TJP1: variants seen among roughly 807,000 people sequenced by gnomAD.
TJP1 encodes tight junction protein ZO-1.
In TJP1, 43 loss-of-function variants were observed where a neutral mutation model predicts 194.2. The observed-to-expected ratio is 0.22, with a 90% CI of 0.17 to 0.29. The LOEUF (loss-of-function observed/expected upper bound fraction) is 0.29. TJP1 is among the 10% of genes least tolerant of loss of function. TJP1 has a pLI of 1.00. For missense variants in TJP1, 1,971 were observed against 2,185.7 expected (o/e 0.90, Z 1.96); for synonymous variants, 801 against 779.0 (o/e 1.03, Z -0.47).
chr15:29,896,139 T>G (rs1442020042), intron 2 of TJP1, among the ~76,000 whole-genome samples: 2 of 152,142 alleles, frequency 1.3e-5, no homozygotes, highest in East Asian at 3.9e-4. Flanking sequence ...AATGATATGG[T>G]TTGGCTGTGT....
At chr15:29,736,295 G>T (rs992086534) in intron 11 of TJP1, among the ~76,000 whole-genome samples, 1 of 152,036 alleles carries the variant, frequency 6.6e-6, no homozygotes, top group Admixed American at 6.5e-5. Context: ...AAGTTAAACA[G>T]CAAAAAAGGA....
At chr15:29,771,414 A>AACC (rs936938196) in intron 4 of TJP1, among the ~76,000 whole-genome samples, 3 of 152,178 alleles carry the variant, frequency 2.0e-5, no homozygotes, top group Non-Finnish European at 4.4e-5. Context: ...AATCTTATGG[A>AACC]ACCACTGTCA....
intron 1 of TJP1, chr15:29,821,554 T>C (rs984481488): frequency 6.6e-6 from 1 of 152,092 alleles, no homozygotes; most frequent in Admixed American, 6.5e-5. Context: ...ACTACAGGGT[T>C]TCGCCGGGGA....
At chr15:29,740,860 A>AG (rs2044366586) in intron 10 of TJP1, among the ~76,000 whole-genome samples, 1 of 152,060 alleles carries the variant, frequency 6.6e-6, no homozygotes, top group South Asian at 2.1e-4. Context: ...GTCTAGAGAT[A>AG]ATTCTAATTG....
rs2041492747 is a variant in TJP1 at position 29,700,741 on chromosome 15, AGAAAAG to A, written c.*848_*853del. 3.7e-6 allele frequency: 1 copy of A among 272,704 alleles called. No individual in the cohort carries two copies. Among genetic ancestry groups the A allele is most frequent in the African/African-American group, 2.2e-5 (1 of 46,022 alleles). The allele number at this position is 272,704 out of a possible 1,614,324, so 16.9% of individuals were successfully genotyped here. ...CTTGTCAAAAAAAAAAAAAAAGAAA[AGAAAAG>A]AAAAGAAAAAAATATCCCCAAATCA... On this transcript the variant is annotated 3_prime_UTR_variant, in exon 28 of 28. Coordinates refer to ENST00000614355, the MANE Select transcript of TJP1 (RefSeq NM_001330239.4).
chr15:29,883,817 T>G (rs2053022571), intron 2 of TJP1, among the ~76,000 whole-genome samples: 1 of 152,204 alleles, frequency 6.6e-6, no homozygotes, highest in Admixed American at 6.5e-5. Context: ...AATTTGTGGA[T>G]GTATTTTATT....
chr15:29,950,056 C>A (rs1336569273), intron 2 of TJP1, among the ~76,000 whole-genome samples: 1 of 76,462 alleles, frequency 1.3e-5, no homozygotes, highest in Non-Finnish European at 2.5e-5. Flanking sequence ...CCACCACCAC[C>A]TCCACCACCA....
chr15:29,959,803 T>C (rs2056089018), intron 1 of TJP1, among the ~76,000 whole-genome samples: 1 of 152,222 alleles, frequency 6.6e-6, no homozygotes, highest in Non-Finnish European at 1.5e-5. Context: ...TTCATTGAAT[T>C]TCTAGGGCGT....
At chr15:29,848,344 C>T (rs1257541369) in intron 2 of TJP1, among the ~76,000 whole-genome samples, 4 of 152,112 alleles carry the variant, frequency 2.6e-5, no homozygotes, top group Non-Finnish European at 5.9e-5. Context: ...GTCTAGGTCT[C>T]TTTACAGCTT....
intron 24 of TJP1, among the ~76,000 whole-genome samples, chr15:29,710,210 T>G (rs1250127754): frequency 6.6e-6 from 1 of 151,528 alleles, no homozygotes; most frequent in East Asian, 1.9e-4. Flanking sequence ...ACTGTCTTTA[T>G]CTGTAAACAT....
At chr15:29,857,365 C>T (rs1176106643) in intron 2 of TJP1, among the ~76,000 whole-genome samples, 1 of 151,326 alleles carries the variant, frequency 6.6e-6, no homozygotes, top group Non-Finnish European at 1.5e-5. Flanking sequence ...AAATGCAGCT[C>T]GCTGCCAGCA....
chr15:29,833,881 A>ATATTTTTTTTTTTTT (rs1555434000), intron 2 of TJP1, among the ~76,000 whole-genome samples: 2 of 12,616 alleles, frequency 1.6e-4, no homozygotes, highest in Admixed American at 1.3e-3. Context: ...ATATATATAT[A>ATATTTTTTTTTTTTT]TTTTTTTTTT....
Position 29,742,696 on chromosome 15 carries a change from T to C in TJP1, c.1096A>G (p.Thr366Ala). 6.2e-7 allele frequency: 1 copy of C among 1,601,516 alleles called. No individual in the cohort carries two copies. Among genetic ancestry groups the C allele is most frequent in the Non-Finnish European group, 8.5e-7 (1 of 1,174,730 alleles). ...CTTTCAACTGTAACTTCTTCCACTG[T>C]TTTAGGTGTGTGATCATCAGCATGC... The part of the protein sequence containing the change: ...VKHADDHTPK[T>A]VEEVTVERNE... Residue 366 changes from threonine (T) to alanine (A), a missense_variant, in exon 9 of 28, where the codon ACA (threonine) becomes GCA (alanine). By Grantham distance (58) the Thr-to-Ala change is moderately conservative (BLOSUM62 0). This residue lies in a region of TJP1 where 192 missense variants were observed against 182.3 expected (regional missense o/e 1.05). Transcript: ENST00000614355.
chr15:29,888,470 A>G (rs2053197529), intron 2 of TJP1, among the ~76,000 whole-genome samples: 1 of 152,208 alleles, frequency 6.6e-6, no homozygotes, highest in Admixed American at 6.5e-5. Context: ...AAAGTGTAAT[A>G]TAATTAATTC....
chr15:29,877,783 C>G (rs549979991), intron 2 of TJP1, among the ~76,000 whole-genome samples: 4 of 151,686 alleles, frequency 2.6e-5, no homozygotes, highest in Admixed American at 2.6e-4. Flanking sequence ...CTCAGTCTCC[C>G]GAGTAGCTGG....
intron 2 of TJP1, among the ~76,000 whole-genome samples, chr15:29,853,352 G>A (rs1308461736): frequency 6.6e-6 from 1 of 152,164 alleles, no homozygotes; most frequent in Non-Finnish European, 1.5e-5. Context: ...TAGTAGATAC[G>A]TGAACCAATG....
intron 4 of TJP1, among the ~76,000 whole-genome samples, chr15:29,769,751 T>A (rs1490067528): frequency 6.6e-6 from 1 of 152,190 alleles, no homozygotes; most frequent in Admixed American, 6.5e-5. Flanking sequence ...GTGGTGATGC[T>A]GGTGTAAACA....
At chr15:29,728,063 T>C in intron 15 of TJP1, 44 bp from the exon 16 acceptor site, 1 of 1,539,450 alleles carries the variant, frequency 6.5e-7, no homozygotes, top group Non-Finnish European at 9.0e-7. Flanking sequence ...AAATTTTCAC[T>C]GGTTAGACAG....
At chr15:29,968,271 C>T in intron 1 of TJP1, 1 of 985,014 alleles carries the variant, frequency 1.0e-6, no homozygotes, top group Non-Finnish European at 1.2e-6. Context: ...ACCGTGATAC[C>T]AATGAATTCT....
Sources: gnomAD v4.1 joint callset for allele counts (sites outside exome capture counted in the v4.1 genomes callset) on GRCh38, gnomAD v4.1.1 for gene constraint, gnomAD v4.1.1 regional missense constraint, MANE v1.5 for transcripts, NCBI Gene and HGNC (gene_info 2026-07-23, HGNC 2026-07-21) for gene names.